Variants in GRIK2 observed in about 807,000 individuals in gnomAD.
GRIK2 encodes glutamate ionotropic receptor kainate type subunit 2, also known as glutamate receptor ionotropic, kainate 2.
GRIK2 carries 32 observed loss-of-function variants against 100.3 expected under a neutral mutation model. The ratio of observed to expected loss-of-function variants is 0.32; its 90% CI spans 0.24 to 0.43. GRIK2 has a LOEUF of 0.43. Among genes scored for constraint, GRIK2 ranks in the 20% least tolerant of loss-of-function variants. GRIK2 has a pLI of 1.00. For synonymous variants in GRIK2, 417 were observed against 389.4 expected, an observed-to-expected ratio of 1.07 and a Z score of -0.83; for missense variants, 843 against 1,114.9, an observed-to-expected ratio of 0.76 and a Z score of 3.47.
At chr6:101,471,982 ATT>A (rs35531216) in intron 2 of GRIK2, among the ~76,000 whole-genome samples, 1 of 150,794 alleles carries the variant, frequency 6.6e-6, no homozygotes, top group Admixed American at 6.6e-5. Context: ...TTAAAGAATG[ATT>A]TTTTTTTGCC....
chr6:101,899,096 G>GTTTT (rs1372120727), intron 12 of GRIK2, among the ~76,000 whole-genome samples: 4 of 133,066 alleles, frequency 3.0e-5, no homozygotes, highest in South Asian at 2.3e-4. Flanking sequence ...TCTTTTTGTT[G>GTTTT]TTTTTGTTTT....
chr6:101,875,475 A>G (rs999346832), intron 11 of GRIK2, among the ~76,000 whole-genome samples: 11 of 151,924 alleles, frequency 7.2e-5, no homozygotes, highest in African/African-American at 2.7e-4. Context: ...GAAATGTCTC[A>G]AAGATGTTAC....
At chr6:101,644,276 T>A (rs1419869068) in intron 4 of GRIK2, among the ~76,000 whole-genome samples, 1 of 151,790 alleles carries the variant, frequency 6.6e-6, no homozygotes, top group Admixed American at 6.6e-5. Flanking sequence ...TAAACAGAGA[T>A]GACATTTAAA....
chr6:101,457,434 C>G (rs547738582), intron 2 of GRIK2, among the ~76,000 whole-genome samples: 2 of 152,064 alleles, frequency 1.3e-5, no homozygotes, highest in South Asian at 4.1e-4. Context: ...TGGCACTTGA[C>G]ATACCTGAGA....
intron 12 of GRIK2, among the ~76,000 whole-genome samples, chr6:101,915,863 AT>A (rs985576436): frequency 1.3e-5 from 2 of 151,440 alleles, no homozygotes; most frequent in African/African-American, 4.8e-5. Flanking sequence ...CCCGGAAGGT[AT>A]TTTTTCCCCC....
chr6:101,417,007 C>T (rs1776171971), intron 2 of GRIK2, among the ~76,000 whole-genome samples: 1 of 152,184 alleles, frequency 6.6e-6, no homozygotes, highest in Non-Finnish European at 1.5e-5. Context: ...CTAATAAAGA[C>T]ATACCTAAGA....
intron 7 of GRIK2, among the ~76,000 whole-genome samples, chr6:101,756,495 A>AT (rs906463118): frequency 4.2e-5 from 6 of 141,224 alleles, no homozygotes; most frequent in African/African-American, 1.6e-4. Context: ...CATTTACAAC[A>AT]TTTAAACATT....
At chr6:101,922,776 T>C (rs1789642776) in intron 12 of GRIK2, among the ~76,000 whole-genome samples, 1 of 152,182 alleles carries the variant, frequency 6.6e-6, no homozygotes, top group African/African-American at 2.4e-5. Flanking sequence ...AATCACATTG[T>C]CTCTCATGAG....
chr6:101,836,493 G>A (rs1783102051), intron 10 of GRIK2, among the ~76,000 whole-genome samples: 1 of 150,620 alleles, frequency 6.6e-6, no homozygotes, highest in Admixed American at 6.6e-5. Context: ...ATAATATTTT[G>A]ATATATTAGG....
intron 14 of GRIK2, among the ~76,000 whole-genome samples, chr6:101,945,089 GGAAAAT>G (rs1391498066): frequency 6.6e-6 from 1 of 152,074 alleles, no homozygotes; most frequent in Non-Finnish European, 1.5e-5. Flanking sequence ...GTATATTACA[GGAAAAT>G]TGCTTTTAGT....
Position 102,047,710 on chromosome 6 carries a change from A to G in GRIK2, c.2312-7620A>G, listed in dbSNP as rs149698032. ...GTTGCAGTGAGCCAAGATCACACCA[A>G]TGCACCCCAGCCTGGGTGGCAGAGC... is the stretch of plus-strand genomic sequence containing the variant. On this transcript the variant is annotated intron_variant, in intron 15 of 16. Coordinates refer to ENST00000369134, the MANE Select transcript of GRIK2 (RefSeq NM_021956.5). Among the ~76,000 whole-genome samples the G allele has an allele frequency of 3.2e-3, 489 of 151,900 alleles. 3 individuals carry two copies. Among genetic ancestry groups the G allele is most frequent in the Non-Finnish European group, 5.3e-3 (358 of 67,898 alleles).
intron 7 of GRIK2, among the ~76,000 whole-genome samples, chr6:101,759,300 C>T (rs1777333103): frequency 6.6e-6 from 1 of 152,134 alleles, no homozygotes; most frequent in African/African-American, 2.4e-5. Context: ...ATTTTCTCAA[C>T]TGTAAGACCT....
chr6:101,529,291 C>A (rs1264185891), intron 2 of GRIK2, among the ~76,000 whole-genome samples: 1 of 152,024 alleles, frequency 6.6e-6, no homozygotes, highest in Non-Finnish European at 1.5e-5. Context: ...TTTTGCTTGG[C>A]ATTTAGAGGA....
chr6:101,485,660 T>G (rs1772781986), intron 2 of GRIK2, among the ~76,000 whole-genome samples: 1 of 152,138 alleles, frequency 6.6e-6, no homozygotes, highest in East Asian at 1.9e-4. Flanking sequence ...GTCCGGGAAG[T>G]TTTATAGGGA....
chr6:101,688,126 ATATT>A (rs1221090414), intron 7 of GRIK2, among the ~76,000 whole-genome samples: 7 of 147,556 alleles, frequency 4.7e-5, no homozygotes, highest in East Asian at 3.9e-4. Flanking sequence ...TTATATAAAA[ATATT>A]TATATATTAT....
At chr6:101,938,427 T>A (rs1185986483) in intron 14 of GRIK2, among the ~76,000 whole-genome samples, 1 of 152,136 alleles carries the variant, frequency 6.6e-6, no homozygotes, top group Non-Finnish European at 1.5e-5. Context: ...TAAGTGTTGA[T>A]AACTGCAAAC....
At chr6:101,928,294 T>C (rs1021261450) in intron 13 of GRIK2, 121 bp from the exon 14 acceptor site, 8 of 635,420 alleles carry the variant, frequency 1.3e-5, no homozygotes, top group African/African-American at 9.1e-5. Flanking sequence ...TAAAGAAATA[T>C]GTAAATCTTT....
At chr6:102,047,987 C>A (rs1161167755) in intron 15 of GRIK2, among the ~76,000 whole-genome samples, 1 of 151,484 alleles carries the variant, frequency 6.6e-6, no homozygotes, top group Non-Finnish European at 1.5e-5. Context: ...ATCAAAATAG[C>A]ATGGTACTGC....
intron 2 of GRIK2, among the ~76,000 whole-genome samples, chr6:101,562,570 T>G (rs1033899272): frequency 3.3e-5 from 5 of 152,092 alleles, no homozygotes; most frequent in African/African-American, 9.7e-5. Flanking sequence ...CTTGAATTTC[T>G]GATCTCAAGT....
Sources: allele counts gnomAD v4.1 joint callset (sites outside exome capture counted in the v4.1 genomes callset), GRCh38; gene constraint gnomAD v4.1.1; transcripts MANE v1.5; gene names NCBI Gene and HGNC (gene_info 2026-07-23, HGNC 2026-07-21).